Variants in ATL1 observed in about 807,000 individuals in gnomAD.
ATL1 encodes atlastin GTPase 1.
ATL1 carries 31 observed loss-of-function variants against 75.5 expected under a neutral mutation model. That is an observed-to-expected ratio of 0.41 (90% CI 0.31 to 0.55). The LOEUF (loss-of-function observed/expected upper bound fraction) is 0.55. Among genes scored for constraint, ATL1 ranks in the 20% least tolerant of loss-of-function variants. ATL1 has a pLI of 0.27. For synonymous variants in ATL1, 226 were observed against 233.3 expected (o/e 0.97, Z 0.28); for missense variants, 405 against 662.6 (o/e 0.61, Z 4.27).
At chr14:50,550,898 G>A (rs1316130654) in intron 1 of ATL1, among the ~76,000 whole-genome samples, 3 of 152,102 alleles carry the variant, frequency 2.0e-5, no homozygotes, top group South Asian at 2.1e-4. Context: ...AGAAAAAATG[G>A]TGCTAAGAGG....
At chr14:50,628,665 A>T (rs765724487) in intron 12 of ATL1, 11 of 714,814 alleles carry the variant, frequency 1.5e-5, no homozygotes, top group Admixed American at 4.0e-5. Context: ...TTTTCCAGTT[A>T]ACATTTCAGC....
chr14:50,620,149 T>C (rs2039453655), intron 8 of ATL1, among the ~76,000 whole-genome samples: 1 of 152,110 alleles, frequency 6.6e-6, no homozygotes, highest in Non-Finnish European at 1.5e-5. Context: ...TCCCAGCTAC[T>C]CAGGAGGCTG....
chr14:50,598,788 A>G (rs985080398), intron 6 of ATL1, among the ~76,000 whole-genome samples: 1 of 152,236 alleles, frequency 6.6e-6, no homozygotes, highest in African/African-American at 2.4e-5. Context: ...TAAACAGTTT[A>G]AATACACTCA....
At chr14:50,574,935 GTGTATATATATATATATATATATATA>G (rs1680235179) in intron 1 of ATL1, among the ~76,000 whole-genome samples, 1 of 34,606 alleles carries the variant, frequency 2.9e-5, no homozygotes, top group Non-Finnish European at 5.4e-5. Flanking sequence ...GTGTGTGTGT[GTGTATATATATATATATATATATATA>G]TATATATATA....
intron 1 of ATL1, among the ~76,000 whole-genome samples, chr14:50,575,046 G>A (rs2038993467): frequency 6.9e-6 from 1 of 145,646 alleles, no homozygotes; most frequent in African/African-American, 2.5e-5. Flanking sequence ...CTTGATTTAG[G>A]AAGGCTATCT....
intron 6 of ATL1, among the ~76,000 whole-genome samples, chr14:50,613,000 C>T (rs1322964758): frequency 6.6e-6 from 1 of 152,084 alleles, no homozygotes; most frequent in African/African-American, 2.4e-5. Context: ...TGGGAGTCAT[C>T]TCTGTCATCT....
rs535077711 is a variant in ATL1 at position 50,588,220 on chromosome 14, C to A, written c.282+142C>A. 5.5e-6 allele frequency: 6 copies of A among 1,097,028 alleles called. No homozygotes were observed. In the African/African-American group the frequency reaches 9.4e-5, roughly 17 times the overall value. The allele number at this position is 1,097,028 out of a possible 1,614,324, so 68.0% of individuals were successfully genotyped here. On this transcript the variant is annotated intron_variant, in intron 2 of 13. Coordinates refer to ENST00000358385, the MANE Select transcript of ATL1 (RefSeq NM_015915.5). ...AGCTAAAGAAATGCTGTGGTGTAAC[C>A]ATTCCAACCTCAGTGCTTTGGGGAC...
intron 1 of ATL1, among the ~76,000 whole-genome samples, chr14:50,545,098 C>T (rs2038614367): frequency 6.6e-6 from 1 of 152,120 alleles, no homozygotes; most frequent in African/African-American, 2.4e-5. Context: ...AGAACCCAAA[C>T]ATCATGGAGA....
At chr14:50,609,781 C>G (rs2039346929) in intron 6 of ATL1, among the ~76,000 whole-genome samples, 1 of 151,976 alleles carries the variant, frequency 6.6e-6, no homozygotes, top group African/African-American at 2.4e-5. Flanking sequence ...CTAAAAGAAA[C>G]CAGTGCTTCT....
upstream of ATL1, among the ~76,000 whole-genome samples, chr14:50,558,767 A>C (rs995801962): frequency 6.6e-6 from 1 of 152,172 alleles, no homozygotes; most frequent in Admixed American, 6.5e-5. Flanking sequence ...AGCAGACCAC[A>C]CTTCTCTTTT....
At chr14:50,576,566 A>G (rs1258756186) in intron 1 of ATL1, among the ~76,000 whole-genome samples, 1 of 152,182 alleles carries the variant, frequency 6.6e-6, no homozygotes, top group Non-Finnish European at 1.5e-5. Context: ...TGCATTCCAA[A>G]GGATTTCTGA....
intron 1 of ATL1, among the ~76,000 whole-genome samples, chr14:50,581,049 A>G (rs992394871): frequency 1.3e-5 from 2 of 151,818 alleles, no homozygotes; most frequent in East Asian, 3.8e-4. Flanking sequence ...TTTATATCTA[A>G]TATGAGTAAT....
Position 50,563,046 on chromosome 14 carries a change from G to A in ATL1, c.34+2747G>A, listed in dbSNP as rs556785749. On this transcript the variant is annotated intron_variant, in intron 1 of 13. Coordinates refer to ENST00000358385, the MANE Select transcript of ATL1 (RefSeq NM_015915.5). ...TGATTGACCCAGGATTCCTGCTCTG[G>A]CAGTTTGAATTCAGATTCCTTTATC... 5.9e-5 allele frequency among the ~76,000 whole-genome samples: 9 copies of A among 152,282 alleles called. 1 individual carries two copies. In the South Asian group the frequency reaches 1.7e-3, roughly 28 times the overall value.
intron 1 of ATL1, among the ~76,000 whole-genome samples, chr14:50,562,224 T>G (rs1248622437): frequency 6.6e-6 from 1 of 152,080 alleles, no homozygotes; most frequent in Non-Finnish European, 1.5e-5. Context: ...TTTTGTATTT[T>G]TAGTAGAGAC....
chr14:50,569,394 G>A (rs1314858124), intron 1 of ATL1, among the ~76,000 whole-genome samples: 2 of 149,060 alleles, frequency 1.3e-5, no homozygotes, highest in East Asian at 3.9e-4. Flanking sequence ...ATTCTAGCTT[G>A]GGCAACAGAG....
chr14:50,581,467 T>A (rs760687830), intron 1 of ATL1, among the ~76,000 whole-genome samples: 1 of 152,130 alleles, frequency 6.6e-6, no homozygotes, highest in Non-Finnish European at 1.5e-5. Flanking sequence ...TTAATGAATA[T>A]AGTGTAGTAT....
intron 1 of ATL1, among the ~76,000 whole-genome samples, chr14:50,573,440 T>C (rs2038973030): frequency 6.6e-6 from 1 of 152,214 alleles, no homozygotes. Context: ...CCTTAATTTT[T>C]GATTGATTTA....
At chr14:50,581,982 A>G (rs1234796301) in intron 1 of ATL1, among the ~76,000 whole-genome samples, 2 of 152,172 alleles carry the variant, frequency 1.3e-5, no homozygotes. Context: ...AATAATAACT[A>G]TTAAAGAAAT....
At chr14:50,549,897 G>A (rs760229994) in intron 1 of ATL1, among the ~76,000 whole-genome samples, 106 of 152,314 alleles carry the variant, frequency 7.0e-4, no homozygotes, top group African/African-American at 2.3e-3. Context: ...GCATCATTCC[G>A]TATGAATGGG....
Sources: allele counts gnomAD v4.1 joint callset (sites outside exome capture counted in the v4.1 genomes callset), GRCh38; gene constraint gnomAD v4.1.1; transcripts MANE v1.5; gene names NCBI Gene and HGNC (gene_info 2026-07-23, HGNC 2026-07-21).